Variants in SLC4A1 observed in about 807,000 individuals in gnomAD.
SLC4A1 encodes band 3 anion transport protein.
Under a neutral mutation model 93.1 loss-of-function variants are expected in SLC4A1, and 29 were observed. That is an observed-to-expected ratio of 0.31 (90% CI 0.23 to 0.42). The LOEUF is 0.42. Among genes scored for constraint, SLC4A1 ranks in the 20% least tolerant of loss-of-function variants. SLC4A1 has a pLI of 1.00. For missense variants in SLC4A1, 965 were observed against 1,190.1 expected (o/e 0.81, Z 2.78); for synonymous variants, 469 against 497.2 (o/e 0.94, Z 0.76).
rs779224079 is a variant in SLC4A1 at position 44,251,536 on chromosome 17, C to T, written c.2364G>A (p.Leu788=). The part of the protein sequence containing the change: ...PILSRIPLAV[L]FGIFLYMGVT... ...CCCCCATGTAGAGGAAGATGCCAAA[C>T]AGTACAGCCAGGGGGATGCGGGACA... Residue 788 remains leucine (L), a synonymous_variant, in exon 18 of 20, where the codon CTG becomes CTA. Coordinates refer to ENST00000262418, the MANE Select transcript of SLC4A1 (RefSeq NM_000342.4). 4 of 1,614,138 alleles carry T rather than the reference C, an allele frequency of 2.5e-6. No individual in the cohort carries two copies. The highest frequency in any genetic ancestry group is 3.4e-6 in the Non-Finnish European group (4 of 1,180,034).
At chr17:44,254,453 T>A in intron 16 of SLC4A1, 43 bp downstream of exon 16, 1 of 1,539,696 alleles carries the variant, frequency 6.5e-7, no homozygotes, top group Non-Finnish European at 9.0e-7. Flanking sequence ...GAAAGGTCCC[T>A]GCCTCCCACC....
In SLC4A1 at chr17:44,259,210, C is replaced by T. The variant is rs138288425; in HGVS notation, c.829G>A (p.Asp277Asn). The change falls in exon 9 of 20, where the codon GAT becomes AAT. Residue 277 changes from aspartate to asparagine, a missense_variant. Physicochemically the swap from Asp to Asn is conservative, Grantham distance 23. Coordinates refer to ENST00000262418, the MANE Select transcript of SLC4A1 (RefSeq NM_000342.4). ...GCAGCCCGGCCAAGCTGGGTGTAAT[C>T]GATGTGGGGGGCCTCAGGTCCCAGC... ...VLLGPEAPHI[D>N]YTQLGRAAAT... 9 of 1,614,022 alleles carry T rather than the reference C, an allele frequency of 5.6e-6. No homozygotes were observed. Among genetic ancestry groups the T allele is most frequent in the Middle Eastern group, 1.7e-4 (1 of 6,060 alleles).
rs2047428060 is a variant in SLC4A1 at position 44,259,949 on chromosome 17, G to A, written c.486-17C>T. 1.9e-6 allele frequency: 3 copies of A among 1,613,242 alleles called. No homozygotes were observed. The South Asian group carries it at 3.3e-5, about 18-fold the overall frequency. ...CCAGCGTGGCTGCAGGACGTACAGG[G>A]GACATGGGCTGAGTAAGCTGTTCAG... is the stretch of plus-strand genomic sequence containing the variant. On this transcript the variant is annotated splice_polypyrimidine_tract_variant and intron_variant, in intron 6 of 19. Transcript: ENST00000262418.
At chr17:44,259,975 G>T (rs897450735) in intron 6 of SLC4A1, 43 bp from the exon 7 acceptor site, 2 of 1,610,268 alleles carry the variant, frequency 1.2e-6, no homozygotes, top group African/African-American at 2.7e-5. Flanking sequence ...AGCTGTTCAG[G>T]CTGAGCTATC....
intron 1 of SLC4A1, among the ~76,000 whole-genome samples, chr17:44,264,788 TC>T: frequency 6.6e-6 from 1 of 151,990 alleles, no homozygotes; most frequent in South Asian, 2.1e-4. Context: ...AGGTGTGCCT[TC>T]CCCAGGAATG....
chr17:44,260,717 C>T lies in SLC4A1; in HGVS notation c.267G>A (p.Gly89=). The change falls in exon 5 of 20, where the codon GGG becomes GGA. Residue 89 remains glycine (G), a synonymous_variant. Coordinates refer to ENST00000262418, the MANE Select transcript of SLC4A1 (RefSeq NM_000342.4). ...ARWVQLEENL[G]ENGAWGRPHL... ...GCGGGCGGCCCCAGGCCCCATTCTCCCCCAGGTTCTCCTCCAGTTGCACCC... is the reference window on the plus strand; with the variant it reads ...GCGGGCGGCCCCAGGCCCCATTCTCTCCCAGGTTCTCCTCCAGTTGCACCC... 6.2e-7 allele frequency: 1 copy of T among 1,614,182 alleles called. No homozygotes were observed. Among genetic ancestry groups the T allele is most frequent in the African/African-American group, 1.3e-5 (1 of 75,046 alleles).
chr17:44,265,704 A>G (rs2047490584), intron 1 of SLC4A1, among the ~76,000 whole-genome samples: 1 of 152,166 alleles, frequency 6.6e-6, no homozygotes, highest in African/African-American at 2.4e-5. Context: ...CTGGGAGTCC[A>G]GATGTGAGGC....
At chr17:44,266,206 G>A (rs2047494734) in intron 1 of SLC4A1, among the ~76,000 whole-genome samples, 2 of 152,034 alleles carry the variant, frequency 1.3e-5, no homozygotes, top group South Asian at 4.2e-4. Flanking sequence ...TGCTCCTGAG[G>A]ACCCTGATGA....
At chr17:44,259,091 T>C in intron 9 of SLC4A1, 72 bp downstream of exon 9, 1 of 1,499,680 alleles carries the variant, frequency 6.7e-7, no homozygotes, top group Non-Finnish European at 9.2e-7. Flanking sequence ...CCAGGCCAGG[T>C]TGGAGAGCAG....
At chr17:44,253,570 A>G (rs897657141) in intron 16 of SLC4A1, among the ~76,000 whole-genome samples, 199 bp from the exon 17 acceptor site, 1 of 152,080 alleles carries the variant, frequency 6.6e-6, no homozygotes, top group African/African-American at 2.4e-5. Context: ...ACAACATTCA[A>G]GGCTGATTCG....
chr17:44,265,577 T>C (rs2047489632), intron 1 of SLC4A1, among the ~76,000 whole-genome samples: 1 of 152,084 alleles, frequency 6.6e-6, no homozygotes, highest in South Asian at 2.1e-4. Flanking sequence ...TTCACTGTGT[T>C]AGCCAGGATG....
intron 1 of SLC4A1, among the ~76,000 whole-genome samples, chr17:44,266,883 C>G (rs1384232231): frequency 6.6e-6 from 1 of 152,120 alleles, no homozygotes; most frequent in Non-Finnish European, 1.5e-5. Context: ...GGGGATTGAC[C>G]AGATGACAGG....
At chr17:44,251,107 C>T (rs2047334390) in intron 19 of SLC4A1, 52 bp downstream of exon 19, 13 of 1,542,030 alleles carry the variant, frequency 8.4e-6, no homozygotes, top group Middle Eastern at 2.2e-4. Context: ...TTCTGAGACG[C>T]GCCCCTCGCA....
chr17:44,251,385 C>T (rs752125733), intron 18 of SLC4A1, 34 bp downstream of exon 18: 1 of 1,614,220 alleles, frequency 6.2e-7, no homozygotes, highest in African/African-American at 1.3e-5. Flanking sequence ...CCCTCTACCA[C>T]CCCAGGCTGG....
intron 3 of SLC4A1, 114 bp downstream of exon 3, chr17:44,262,522 C>G (rs575776006): frequency 1.3e-6 from 1 of 747,358 alleles, no homozygotes; most frequent in Non-Finnish European, 2.3e-6. Context: ...GAGGGGAGAA[C>G]GGCCCGTGGT....
Position 44,258,067 on chromosome 17 carries a change from A to G in SLC4A1, c.1201T>C (p.Phe401Leu), listed in dbSNP as rs1261484009. The part of the protein sequence containing the change: ...PYYLSDITDA[F>L]SPQVLAAVIF... Reference sequence around the variant, plus strand: ...ACGGCAGCCAGGACCTGGGGGCTGAATGCATCTGTGATGTCACTCAGGTAA... The same window carrying G: ...ACGGCAGCCAGGACCTGGGGGCTGAGTGCATCTGTGATGTCACTCAGGTAA... The change falls in exon 11 of 20, where the codon TTC (phenylalanine) becomes CTC (leucine). Residue 401 changes from phenylalanine (F) to leucine (L), a missense_variant. Phe to Leu is a conservative substitution (Grantham distance 22). This residue lies in a region of SLC4A1 where 770 missense variants were observed against 1,006.6 expected (regional missense o/e 0.76). Transcript: ENST00000262418. The surrounding 1 kb of genome is among the most constrained non-coding windows in gnomAD (Gnocchi z 6.1). The G allele has an allele frequency of 7.4e-6, 12 of 1,613,924 alleles. No individual in the cohort carries two copies. The highest frequency in any genetic ancestry group is 9.3e-6 in the Non-Finnish European group (11 of 1,180,016).
At position 44,248,660 on chromosome 17, in the gene SLC4A1, T is replaced by C. The variant is rs1049523281; in HGVS notation, c.*1798A>G. The C allele has an allele frequency of 1.9e-5, 3 of 154,342 alleles. No homozygotes were observed. Among genetic ancestry groups the C allele is most frequent in the African/African-American group, 7.2e-5 (3 of 41,394 alleles). 9.6% of individuals were successfully genotyped at this position (154,342 alleles called of 1,614,324 possible). ...GTAGGTACCATTATCATCCCCATTT[T>C]ACAGACGAGGAAACTGAACTGTAGC... On this transcript the variant is annotated 3_prime_UTR_variant, in exon 20 of 20. Transcript: ENST00000262418.
At chr17:44,263,224 C>T (rs749721997) in intron 1 of SLC4A1, among the ~76,000 whole-genome samples, 1 of 152,196 alleles carries the variant, frequency 6.6e-6, no homozygotes, top group Non-Finnish European at 1.5e-5. Flanking sequence ...CTCCCTCCTT[C>T]ATTCTCTAGT....
rs542387060 is a variant in SLC4A1 at position 44,261,044 on chromosome 17, C to T, written c.169-229G>A. 6.6e-5 allele frequency among the ~76,000 whole-genome samples: 10 copies of T among 152,272 alleles called. No individual in the cohort carries two copies. The South Asian group carries it at 1.9e-3, about 28-fold the overall frequency. ...ACCCAAAGGGATGCTGGAGAGGCCA[C>T]TGGGGAGGGAAAGGAGTGGGAAGCA... is the stretch of plus-strand genomic sequence containing the variant. On this transcript the variant is annotated intron_variant, in intron 4 of 19. Coordinates refer to ENST00000262418, the MANE Select transcript of SLC4A1 (RefSeq NM_000342.4).
Sources: gnomAD v4.1 joint callset for allele counts (sites outside exome capture counted in the v4.1 genomes callset) on GRCh38, gnomAD v4.1.1 for gene constraint, gnomAD v4.1.1 regional missense constraint, Gnocchi (gnomAD v3.1) non-coding constraint, MANE v1.5 for transcripts, NCBI Gene and HGNC (gene_info 2026-07-23, HGNC 2026-07-21) for gene names.